Variants in ADGRF3 observed in about 807,000 individuals in gnomAD.
The protein encoded by ADGRF3 is G protein-coupled receptor 113.
A neutral mutation model predicts 93.2 loss-of-function variants in ADGRF3; 85 were observed. That is an observed-to-expected ratio of 0.91 (90% CI 0.77 to 1.09). The LOEUF (loss-of-function observed/expected upper bound fraction) is 1.09, where lower values mean the gene tolerates loss of function less well. ADGRF3 is among the 50% of genes least tolerant of loss of function. The pLI is 0.00. For missense variants in ADGRF3, 1,125 were observed against 1,246.2 expected, an observed-to-expected ratio of 0.90 and a Z score of 1.46; for synonymous variants, 534 against 532.5, an observed-to-expected ratio of 1.00 and a Z score of -0.04.
At position 26,311,177 on chromosome 2, in the gene ADGRF3, G is replaced by A. The variant is rs777253505; in HGVS notation, c.2347C>T (p.Leu783Phe). The stretch of plus-strand genomic sequence containing the variant: ...ATCCAGAAAAAGGTGGCCAGGTAGA[G>A]GAAATGACAGAGGAAGGCGGCAGCA... ...CLAAAFLCHFLYLATFFWMLA... is the reference protein window; with the variant it reads ...CLAAAFLCHFFYLATFFWMLA... The change falls in exon 10 of 14, where the codon CTC becomes TTC. Residue 783 changes from leucine to phenylalanine, a missense_variant. Leu to Phe is a conservative substitution (Grantham distance 22). Coordinates refer to ENST00000651242, the MANE Select transcript of ADGRF3 (RefSeq NM_001321971.2). 1 of 1,598,222 alleles carries A rather than the reference G, an allele frequency of 6.3e-7. No individual in the cohort carries two copies. Among genetic ancestry groups the A allele is most frequent in the South Asian group, 1.1e-5 (1 of 88,978 alleles).
At position 26,346,142 on chromosome 2, in the gene ADGRF3, T is replaced by C; in HGVS notation, c.93A>G (p.Ala31=). ...CTACCTTCTCGGGCAGCCCAGTCTT[T>C]GCCATCCTTGCCCAGCCGGTGTGGT... is the stretch of plus-strand genomic sequence containing the variant. ...HKHHTGWARM[A]KTGLPEKGQS... is the part of the protein sequence containing the mutation. The change falls in exon 1 of 14, where the codon GCA becomes GCG. Residue 31 remains alanine (A), a synonymous_variant. Transcript: ENST00000651242. 6.2e-7 allele frequency: 1 copy of C among 1,602,788 alleles called. No individual in the cohort carries two copies.
chr2:26,319,595 C>A (rs367809357), intron 1 of ADGRF3, among the ~76,000 whole-genome samples: 1 of 82,716 alleles, frequency 1.2e-5, no homozygotes, highest in African/African-American at 3.7e-5. Context: ...TCCTTCCTTC[C>A]TTCCTTCCTT....
At chr2:26,320,409 C>A (rs1311881883) in intron 1 of ADGRF3, among the ~76,000 whole-genome samples, 1 of 152,168 alleles carries the variant, frequency 6.6e-6, no homozygotes, top group Non-Finnish European at 1.5e-5. Context: ...GGCAGGAGAA[C>A]TGCTTGAACC....
At position 26,318,118 on chromosome 2, in the gene ADGRF3, G is replaced by T. The variant is rs202027387; in HGVS notation, c.115-556C>A. ...AGGGGGATGGGGCAGGCAGGGAAGG[G>T]TCTGTCTGGTAGGGAGGTGAGGATG... On this transcript the variant is annotated intron_variant, in intron 1 of 13. Coordinates refer to ENST00000651242, the MANE Select transcript of ADGRF3 (RefSeq NM_001321971.2). The T allele has an allele frequency of 4.4e-4, 674 of 1,539,592 alleles. No homozygotes were observed. The highest frequency in any genetic ancestry group is 5.7e-4 in the Non-Finnish European group (648 of 1,141,012).
At chr2:26,310,143 G>A (rs373292371) in intron 11 of ADGRF3, 38 bp from the exon 12 acceptor site, 30 of 1,613,876 alleles carry the variant, frequency 1.9e-5, no homozygotes, top group Non-Finnish European at 2.4e-5. Flanking sequence ...TGCCAGCCAC[G>A]GCCCCGGCCT....
At chr2:26,324,369 G>A (rs575960831) in intron 1 of ADGRF3, among the ~76,000 whole-genome samples, 20 of 152,296 alleles carry the variant, frequency 1.3e-4, no homozygotes, top group African/African-American at 4.1e-4. Flanking sequence ...TTTAGGTTCA[G>A]GGGTACAAGT....
At chr2:26,336,722 TAAAAAAAAAAAAAAAA>T (rs57691864) in intron 1 of ADGRF3, among the ~76,000 whole-genome samples, 8 of 22,050 alleles carry the variant, frequency 3.6e-4, no homozygotes, top group Admixed American at 2.2e-3. Flanking sequence ...TGAGACTCCA[TAAAAAAAAAAAAAAAA>T]AAAAAAAAAA....
In ADGRF3 at chr2:26,313,741, G is replaced by C; in HGVS notation, c.1072+19C>G. 1 of 1,613,040 alleles carries C rather than the reference G, an allele frequency of 6.2e-7. No individual in the cohort carries two copies. The highest frequency in any genetic ancestry group is 1.1e-5 in the South Asian group (1 of 91,010). ...GCAAGCAGCTGGGACCAGCCCACTG[G>C]GCCCCAGGCCCTGCGTACCCTGGAT... On this transcript the variant is annotated intron_variant, in intron 7 of 13. Coordinates refer to ENST00000651242, the MANE Select transcript of ADGRF3 (RefSeq NM_001321971.2).
chr2:26,335,209 C>T (rs1215128870), intron 1 of ADGRF3, among the ~76,000 whole-genome samples: 1 of 152,172 alleles, frequency 6.6e-6, no homozygotes, highest in Non-Finnish European at 1.5e-5. Context: ...CTTCCCTGCC[C>T]CATCCCCTAA....
chr2:26,316,336 C>CTGG lies in ADGRF3; in HGVS notation c.435_437dup (p.His145dup), dbSNP rs1328626001. 18 of 1,551,928 alleles carry CTGG rather than the reference C, an allele frequency of 1.2e-5. No homozygotes were observed. Among genetic ancestry groups the CTGG allele is most frequent in the Non-Finnish European group, 1.6e-5 (18 of 1,147,028 alleles). On this transcript the variant is annotated inframe_insertion, in exon 4 of 14. Transcript: ENST00000651242. The stretch of plus-strand genomic sequence containing the variant: ...GGCTGAAGACAAGGCAGCCACAAGG[C>CTGG]TGGTGGTTGTGGAGGCTTTGACAAG...
chr2:26,316,160 A>G, intron 4 of ADGRF3, 115 bp downstream of exon 4: 2 of 1,104,136 alleles, frequency 1.8e-6, no homozygotes, highest in Non-Finnish European at 2.5e-6. Context: ...TCCCACCCAG[A>G]GGAGCAGCTG....
intron 1 of ADGRF3, chr2:26,318,786 TA>T: frequency 9.4e-7 from 1 of 1,068,204 alleles, no homozygotes; most frequent in Non-Finnish European, 1.4e-6. Context: ...CCCAGGAAAG[TA>T]AAACTGAGTT....
chr2:26,334,963 A>G (rs952050185), intron 1 of ADGRF3, among the ~76,000 whole-genome samples: 1 of 152,080 alleles, frequency 6.6e-6, no homozygotes, highest in Non-Finnish European at 1.5e-5. Context: ...ACAGGTATGC[A>G]TATGTTATTT....
chr2:26,332,183 T>C (rs1314561997), intron 1 of ADGRF3, among the ~76,000 whole-genome samples: 1 of 152,204 alleles, frequency 6.6e-6, no homozygotes, highest in African/African-American at 2.4e-5. Flanking sequence ...TGTTCAGTAG[T>C]TGGGTAAACG....
At chr2:26,319,610 CCTTCCTTT>C (rs796432749) in intron 1 of ADGRF3, among the ~76,000 whole-genome samples, 1,609 of 62,314 alleles carry the variant, frequency 0.026, 110 homozygotes, top group East Asian at 0.066. Flanking sequence ...TTCCTTCCTT[CCTTCCTTT>C]CTTTCTTTGT....
intron 1 of ADGRF3, chr2:26,317,958 G>T: frequency 7.6e-7 from 1 of 1,320,160 alleles, no homozygotes; most frequent in Non-Finnish European, 1.1e-6. Context: ...AGCAGGGTGA[G>T]CAGAAGGCAG....
chr2:26,332,698 C>T (rs1675832171), intron 1 of ADGRF3, among the ~76,000 whole-genome samples: 3 of 152,172 alleles, frequency 2.0e-5, no homozygotes, highest in Admixed American at 2.0e-4. Flanking sequence ...TGTGATCATG[C>T]CACTGGTCTC....
chr2:26,327,238 G>T (rs1410471004), intron 1 of ADGRF3, among the ~76,000 whole-genome samples: 2 of 152,226 alleles, frequency 1.3e-5, no homozygotes, highest in Non-Finnish European at 2.9e-5. Flanking sequence ...TTGGTTTTCT[G>T]TCATGGGGAC....
intron 1 of ADGRF3, among the ~76,000 whole-genome samples, chr2:26,331,113 C>A (rs1278412955): frequency 1.5e-3 from 227 of 152,214 alleles, no homozygotes; most frequent in African/African-American, 5.2e-3. Flanking sequence ...AAAAGAAATT[C>A]TCTGGTTATA....
Sources: gnomAD v4.1 joint callset for allele counts (sites outside exome capture counted in the v4.1 genomes callset) on GRCh38, gnomAD v4.1.1 for gene constraint, MANE v1.5 for transcripts, NCBI Gene and HGNC (gene_info 2026-07-23, HGNC 2026-07-21) for gene names.